OR51B5: variants seen among roughly 807,000 people sequenced by gnomAD.
OR51B5 encodes olfactory receptor 51B5.
For missense variants in OR51B5, 456 were observed against 374.6 expected (o/e 1.22, Z -1.79); for synonymous variants, 186 against 144.8 (o/e 1.28, Z -2.04).
At chr11:5,412,692 G>A (rs1165416617) in intron 1 of OR51B5, among the ~76,000 whole-genome samples, 1 of 152,156 alleles carries the variant, frequency 6.6e-6, no homozygotes, top group Admixed American at 6.5e-5. Flanking sequence ...CTGATTCCTA[G>A]CACAGCAGTC....
intron 1 of OR51B5, among the ~76,000 whole-genome samples, chr11:5,425,734 T>C (rs879362635): frequency 9.2e-5 from 14 of 152,208 alleles, no homozygotes; most frequent in Admixed American, 3.9e-4. Context: ...GAATGTAATA[T>C]TCTTTGTATC....
chr11:5,378,399 G>A (rs999836505), intron 1 of OR51B5, among the ~76,000 whole-genome samples: 4 of 152,056 alleles, frequency 2.6e-5, no homozygotes, highest in African/African-American at 4.8e-5. Flanking sequence ...ACATAGGCAT[G>A]GGCAAGGACT....
At chr11:5,388,318 C>T (rs115554695) in intron 1 of OR51B5, among the ~76,000 whole-genome samples, 3,906 of 151,390 alleles carry the variant, frequency 0.026, 162 homozygotes, top group African/African-American at 0.087. Context: ...GACAATGCTG[C>T]AGGGAAAATA....
intron 1 of OR51B5, among the ~76,000 whole-genome samples, chr11:5,494,877 A>C (rs545121361): frequency 6.6e-6 from 1 of 152,344 alleles, no homozygotes; most frequent in South Asian, 2.1e-4. Context: ...ATTGAGAAAC[A>C]GAGAACAGAT....
intron 1 of OR51B5, chr11:5,403,596 T>C (rs986611122): frequency 1.8e-5 from 8 of 442,070 alleles, no homozygotes; most frequent in African/African-American, 1.6e-4. Flanking sequence ...GCTTGCTCTC[T>C]ATAATAACAG....
At chr11:5,410,024 TAC>T (rs1186487829) in intron 1 of OR51B5, among the ~76,000 whole-genome samples, 1 of 151,970 alleles carries the variant, frequency 6.6e-6, no homozygotes, top group Non-Finnish European at 1.5e-5. Flanking sequence ...TCCCATTCTA[TAC>T]ACAGTGAAAA....
At chr11:5,441,823 A>G (rs920145785) in intron 1 of OR51B5, among the ~76,000 whole-genome samples, 1 of 152,304 alleles carries the variant, frequency 6.6e-6, no homozygotes, top group South Asian at 2.1e-4. Context: ...TAGACCAGAA[A>G]GAGGAAATGC....
rs184295458 is a variant in OR51B5 at position 5,408,330 on chromosome 11, C to G, written n.85-61420G>C. ...CTCCTAGCTTAACACTGTCAAAATT[C>G]TTTCCTTCCTTCCCTTCCTCCCTTC... On this transcript the variant is annotated intron_variant and non_coding_transcript_variant, in intron 1 of 4. Transcript: ENST00000415970. Among the ~76,000 whole-genome samples, 55 of 151,066 alleles carry G rather than the reference C, an allele frequency of 3.6e-4. 1 individual carries two copies. The East Asian group carries it at 0.011, about 30-fold the overall frequency.
chr11:5,442,931 G>A (rs772135972), intron 1 of OR51B5, among the ~76,000 whole-genome samples: 1 of 152,088 alleles, frequency 6.6e-6, no homozygotes, highest in Admixed American at 6.6e-5. Context: ...CTCCATTCAA[G>A]GGTACTATTT....
intron 1 of OR51B5, among the ~76,000 whole-genome samples, chr11:5,423,996 CA>C (rs1319656271): frequency 6.6e-6 from 1 of 152,078 alleles, no homozygotes; most frequent in Non-Finnish European, 1.5e-5. Context: ...ATGAATTTTT[CA>C]CGAGCAAATA....
intron 1 of OR51B5, among the ~76,000 whole-genome samples, chr11:5,485,698 CCT>C (rs1390820200): frequency 1.3e-5 from 2 of 152,136 alleles, no homozygotes; most frequent in Non-Finnish European, 2.9e-5. Context: ...TTGCTGTCCC[CCT>C]GTCTGAAATG....
intron 1 of OR51B5, among the ~76,000 whole-genome samples, chr11:5,388,220 A>G (rs1291018591): frequency 6.6e-6 from 1 of 152,114 alleles, no homozygotes; most frequent in Non-Finnish European, 1.5e-5. Flanking sequence ...AAAAAAGTCA[A>G]TCCCTAGAGC....
At chr11:5,464,555 C>G (rs866131796) in intron 1 of OR51B5, among the ~76,000 whole-genome samples, 1 of 149,864 alleles carries the variant, frequency 6.7e-6, no homozygotes, top group African/African-American at 2.5e-5. Flanking sequence ...TTTGTTCTTG[C>G]GATAGTTTAC....
intron 1 of OR51B5, chr11:5,362,752 C>A: frequency 4.8e-6 from 1 of 207,482 alleles, no homozygotes; most frequent in Non-Finnish European, 1.0e-5. Flanking sequence ...CTACCAAGTA[C>A]ACTTGTGATA....
chr11:5,461,074 C>T (rs1053510663), intron 1 of OR51B5, among the ~76,000 whole-genome samples: 9 of 152,098 alleles, frequency 5.9e-5, no homozygotes, highest in East Asian at 1.9e-4. Flanking sequence ...CATGGGGGCA[C>T]GTGTGTGCTG....
intron 1 of OR51B5, among the ~76,000 whole-genome samples, chr11:5,495,721 G>A (rs971732751): frequency 2.0e-5 from 3 of 152,126 alleles, no homozygotes; most frequent in Non-Finnish European, 2.9e-5. Flanking sequence ...AATAATGATA[G>A]TAAGTCCTTG....
chr11:5,346,795 T>C (rs1158676440), upstream of OR51B5: 1 of 152,294 alleles, frequency 6.6e-6, no homozygotes, highest in South Asian at 2.1e-4. Context: ...ACACTCTTTA[T>C]ATATCTAGGA....
upstream of OR51B5, chr11:5,343,553 C>T: frequency 2.9e-6 from 2 of 681,068 alleles, no homozygotes; most frequent in Non-Finnish European, 5.2e-6. Context: ...AAATGTCTTT[C>T]TGTTTCTGTT....
intron 1 of OR51B5, chr11:5,453,642 G>T: frequency 6.2e-7 from 1 of 1,613,712 alleles, no homozygotes; most frequent in Non-Finnish European, 8.5e-7. Context: ...TGTGCGAGTG[G>T]AGCCCAGCCT....
Sources: allele counts gnomAD v4.1 joint callset (sites outside exome capture counted in the v4.1 genomes callset), GRCh38; gene constraint gnomAD v4.1.1; transcripts MANE v1.5; gene names NCBI Gene and HGNC (gene_info 2026-07-23, HGNC 2026-07-21).